Variants in NOL10 observed in about 807,000 individuals in gnomAD.
NOL10 encodes the protein nucleolar protein 10, also known as H_NH0074G24.1.
Under a neutral mutation model 103.5 loss-of-function variants are expected in NOL10, and 58 were observed. The observed-to-expected ratio is 0.56, with a 90% CI of 0.45 to 0.70. NOL10 has a LOEUF of 0.70. Ranked by LOEUF, NOL10 falls within the 30% of genes least tolerant of loss-of-function variation. The pLI is 0.00. For missense variants in NOL10, 763 were observed against 807.3 expected (o/e 0.95, Z 0.67); for synonymous variants, 287 against 282.5 (o/e 1.02, Z -0.16).
chr2:10,585,760 CTGTAG>C (rs1674994079), intron 19 of NOL10, among the ~76,000 whole-genome samples: 1 of 152,154 alleles, frequency 6.6e-6, no homozygotes, highest in Non-Finnish European at 1.5e-5. Flanking sequence ...GTTAAATTAT[CTGTAG>C]ATTACTTATA....
intron 13 of NOL10, among the ~76,000 whole-genome samples, chr2:10,627,660 G>C (rs139737062): frequency 2.0e-5 from 3 of 150,280 alleles, no homozygotes; most frequent in African/African-American, 7.4e-5. Flanking sequence ...GGGTGACAGC[G>C]TAAGACTCCG....
Position 10,648,075 on chromosome 2 carries a change from G to A in NOL10, c.974-3703C>T, listed in dbSNP as rs557283978. On this transcript the variant is annotated intron_variant, in intron 12 of 20. Coordinates refer to ENST00000381685, the MANE Select transcript of NOL10 (RefSeq NM_024894.4). The stretch of plus-strand genomic sequence containing the variant: ...TCATAGAGCCGTGCTGTCTCTTCAA[G>A]TGCCCTGACCGGCATGGAGCAGCTG... Among the ~76,000 whole-genome samples, 49 of 152,290 alleles carry A rather than the reference G, an allele frequency of 3.2e-4. No homozygotes were observed. The South Asian group carries it at 9.8e-3, about 30-fold the overall frequency.
chr2:10,689,774 A>AG (rs1682499687), intron 1 of NOL10, 22 bp downstream of exon 1: 1 of 1,591,398 alleles, frequency 6.3e-7, no homozygotes. Flanking sequence ...CTCGAGAGTG[A>AG]GGGGGCCGGG....
intron 17 of NOL10, among the ~76,000 whole-genome samples, chr2:10,598,603 A>G (rs910228428): frequency 6.6e-6 from 1 of 152,218 alleles, no homozygotes; most frequent in South Asian, 2.1e-4. Flanking sequence ...TGACACTGGC[A>G]AAAAACTTTA....
intron 11 of NOL10, among the ~76,000 whole-genome samples, chr2:10,657,146 CCAT>C (rs1165930177): frequency 6.6e-6 from 1 of 151,994 alleles, no homozygotes. Context: ...TGATGAAACC[CCAT>C]CGCTACTAAA....
intron 13 of NOL10, among the ~76,000 whole-genome samples, chr2:10,629,131 C>T (rs1002454019): frequency 6.6e-6 from 1 of 150,546 alleles, no homozygotes; most frequent in African/African-American, 2.5e-5. Context: ...ACCACCCCTC[C>T]ACCTCCAGCC....
chr2:10,684,393 C>CA (rs1274738129), intron 2 of NOL10, among the ~76,000 whole-genome samples, 174 bp downstream of exon 2: 1 of 151,850 alleles, frequency 6.6e-6, no homozygotes, highest in Non-Finnish European at 1.5e-5. Context: ...CCAGTCTGGG[C>CA]AACACAGTGA....
At chr2:10,593,789 T>G (rs777151724) in intron 17 of NOL10, among the ~76,000 whole-genome samples, 1 of 152,054 alleles carries the variant, frequency 6.6e-6, no homozygotes, top group African/African-American at 2.4e-5. Context: ...GGCTGGCACA[T>G]GGGGGTGAGG....
intron 2 of NOL10, among the ~76,000 whole-genome samples, chr2:10,682,680 G>A (rs1376452024): frequency 6.6e-6 from 1 of 152,018 alleles, no homozygotes; most frequent in Non-Finnish European, 1.5e-5. Flanking sequence ...GATTGCAGGA[G>A]TGAGCCACCG....
chr2:10,656,548 A>T (rs530918519), intron 11 of NOL10, among the ~76,000 whole-genome samples: 1 of 152,382 alleles, frequency 6.6e-6, no homozygotes, highest in Admixed American at 6.5e-5. Context: ...AAGCCAAGTA[A>T]GACCCATACT....
chr2:10,673,692 G>A, intron 4 of NOL10, 135 bp from the exon 5 acceptor site: 1 of 542,172 alleles, frequency 1.8e-6, no homozygotes, highest in Non-Finnish European at 3.2e-6. Flanking sequence ...CGTGAAACAA[G>A]AAGAAAATTG....
At chr2:10,671,306 T>C (rs1680917163) in intron 6 of NOL10, among the ~76,000 whole-genome samples, 1 of 151,980 alleles carries the variant, frequency 6.6e-6, no homozygotes, top group African/African-American at 2.4e-5. Flanking sequence ...CATTAGAAAA[T>C]ATTGTATTAA....
intron 19 of NOL10, among the ~76,000 whole-genome samples, 160 bp downstream of exon 19, chr2:10,588,883 A>C (rs1572244016): frequency 6.6e-6 from 1 of 151,576 alleles, no homozygotes; most frequent in Non-Finnish European, 1.5e-5. Context: ...CCCTCACATC[A>C]CCTCCTGCAC....
At chr2:10,658,024 G>A (rs1679959652) in intron 10 of NOL10, 133 bp from the exon 11 acceptor site, 2 of 549,220 alleles carry the variant, frequency 3.6e-6, no homozygotes, top group African/African-American at 1.9e-5. Flanking sequence ...TACTCAAGGT[G>A]CTGAGATTTG....
rs138447976 is a variant in NOL10, at chr2:10,572,910, C to T, written c.1948-720G>A. On this transcript the variant is annotated intron_variant, in intron 20 of 20. Transcript: ENST00000381685. ...GCTCACATGGGAGCTGGAACTCCTC[C>T]CTACCCCATCCCTGGCGCCAAATGG... 4.3e-3 allele frequency among the ~76,000 whole-genome samples: 652 copies of T among 152,306 alleles called. 10 individuals are homozygous for T. Among genetic ancestry groups the T allele is most frequent in the African/African-American group, 0.014 (601 of 41,560 alleles).
At chr2:10,595,219 G>A (rs1675611631) in intron 17 of NOL10, among the ~76,000 whole-genome samples, 1 of 151,220 alleles carries the variant, frequency 6.6e-6, no homozygotes. Context: ...AAAAGTGGTT[G>A]TCTGAGAAGA....
chr2:10,587,080 T>TATATATACATATATATACAC, intron 19 of NOL10, among the ~76,000 whole-genome samples: 1 of 46,130 alleles, frequency 2.2e-5, no homozygotes, highest in East Asian at 4.4e-4. Context: ...TATATATACA[T>TATATATACATATATATACAC]ATATATACAT....
At chr2:10,579,865 G>T (rs1015740438) in intron 19 of NOL10, among the ~76,000 whole-genome samples, 7 of 152,070 alleles carry the variant, frequency 4.6e-5, no homozygotes, top group African/African-American at 1.7e-4. Flanking sequence ...AATTTAGGAA[G>T]AAAAAGACTT....
intron 5 of NOL10, among the ~76,000 whole-genome samples, chr2:10,672,840 A>C (rs1279597666): frequency 6.6e-6 from 1 of 152,108 alleles, no homozygotes; most frequent in Non-Finnish European, 1.5e-5. Context: ...TAAAAACACA[A>C]AAATTAGCCA....
Sources: allele counts gnomAD v4.1 joint callset (sites outside exome capture counted in the v4.1 genomes callset), GRCh38; gene constraint gnomAD v4.1.1; transcripts MANE v1.5; gene names NCBI Gene and HGNC (gene_info 2026-07-23, HGNC 2026-07-21).